CACNA1D: variants seen among roughly 807,000 people sequenced by gnomAD.
CACNA1D encodes voltage-dependent L-type calcium channel subunit alpha-1D.
In CACNA1D, 55 loss-of-function variants were observed where a neutral mutation model predicts 257.1. The ratio of observed to expected loss-of-function variants is 0.21; its 90% CI spans 0.17 to 0.27. CACNA1D has a LOEUF of 0.27. Among genes scored for constraint, CACNA1D ranks in the 10% least tolerant of loss-of-function variants. The pLI, the probability that CACNA1D is intolerant of heterozygous loss-of-function variation, is 1.00. For missense variants in CACNA1D, 1,876 were observed against 2,784.0 expected, an observed-to-expected ratio of 0.67 and a Z score of 7.34; for synonymous variants, 980 against 1,014.9, an observed-to-expected ratio of 0.97 and a Z score of 0.65.
intron 9 of CACNA1D, among the ~76,000 whole-genome samples, chr3:53,709,543 C>T (rs972496056): frequency 8.5e-5 from 13 of 152,216 alleles, no homozygotes; most frequent in Non-Finnish European, 1.5e-4. Context: ...TCTGCCTACC[C>T]ATAGTGTGCA....
At chr3:53,631,366 A>AC (rs775611832) in intron 3 of CACNA1D, among the ~76,000 whole-genome samples, 1 of 151,968 alleles carries the variant, frequency 6.6e-6, no homozygotes, top group Non-Finnish European at 1.5e-5. Flanking sequence ...ATAAGAAGCA[A>AC]CCCCTCATTT....
chr3:53,682,394 A>C (rs1050839385), intron 8 of CACNA1D, among the ~76,000 whole-genome samples: 1 of 136,576 alleles, frequency 7.3e-6, no homozygotes, highest in Non-Finnish European at 1.6e-5. Context: ...AAAAAAAAAA[A>C]AACAGAAGTC....
chr3:53,673,989 G>C lies in CACNA1D; in HGVS notation c.1220+863G>C, dbSNP rs1490670885. The C allele has an allele frequency of 4.4e-6, 3 of 686,054 alleles. No homozygotes were observed. The African/African-American group carries it at 5.3e-5, about 12-fold the overall frequency. The allele number at this position is 686,054 out of a possible 1,614,324, so 42.5% of individuals were successfully genotyped here. On this transcript the variant is annotated intron_variant, in intron 8 of 47. Coordinates refer to ENST00000350061, the MANE Select transcript of CACNA1D (RefSeq NM_001128840.3). The surrounding 1 kb of genome is among the most constrained non-coding windows in gnomAD (Gnocchi z 4.1). Reference sequence around the variant, plus strand: ...TCTTTCTGCCTGTATCTGTCTGTGAGATTCCGTGTTTCCAATGCTTGCCAA... The same window carrying C: ...TCTTTCTGCCTGTATCTGTCTGTGACATTCCGTGTTTCCAATGCTTGCCAA...
chr3:53,615,966 G>T (rs2093632211), intron 3 of CACNA1D, among the ~76,000 whole-genome samples: 1 of 152,116 alleles, frequency 6.6e-6, no homozygotes, highest in Non-Finnish European at 1.5e-5. Context: ...ATACTTACCT[G>T]CTTTCCAGTA....
chr3:53,651,366 C>CTTTTTTTTTTTTTTTTTTTTT lies in CACNA1D; in HGVS notation c.623+450_623+470dup, dbSNP rs779207160. Among the ~76,000 whole-genome samples the CTTTTTTTTTTTTTTTTTTTTT allele has an allele frequency of 7.0e-4, 57 of 81,842 alleles. 8 individuals are homozygous for CTTTTTTTTTTTTTTTTTTTTT. Among genetic ancestry groups the CTTTTTTTTTTTTTTTTTTTTT allele is most frequent in the African/African-American group, 1.6e-3 (37 of 22,544 alleles). The allele number at this position is 81,842 out of a possible 152,430, so 53.7% of individuals were successfully genotyped here. A position where few individuals can be genotyped will look rare whatever the true frequency, so the allele number is the denominator to read the frequency against. On this transcript the variant is annotated intron_variant, in intron 4 of 47. Coordinates refer to ENST00000350061, the MANE Select transcript of CACNA1D (RefSeq NM_001128840.3). ...TCCCTTGAGCAAAGCTATTAATTTT[C>CTTTTTTTTTTTTTTTTTTTTT]TTTTTTTTTTTTTTTTTTTTTTGCT...
Position 53,808,673 on chromosome 3 carries a change from T to C in CACNA1D, c.5774T>C (p.Phe1925Ser), listed in dbSNP as rs1559727671. Residue 1925 changes from phenylalanine to serine, a missense_variant, in exon 46 of 48, where the codon TTT (phenylalanine) becomes TCT (serine). This residue lies in a region of CACNA1D where 491 missense variants were observed against 554.3 expected (regional missense o/e 0.89). Transcript: ENST00000350061. Reference sequence around the variant, plus strand: ...GCCCACCGGAGATCCTCCTTCAACTTTGAGTGCCTGCGCCGGCAGAGCAGC... The same window carrying C: ...GCCCACCGGAGATCCTCCTTCAACTCTGAGTGCCTGCGCCGGCAGAGCAGC... ...PASHRRSSFN[F>S]ECLRRQSSQE... 6.2e-7 allele frequency: 1 copy of C among 1,609,208 alleles called. No homozygotes were observed.
intron 8 of CACNA1D, chr3:53,674,169 T>C (rs946907024): frequency 2.7e-5 from 11 of 401,228 alleles, no homozygotes; most frequent in Non-Finnish European, 4.7e-5. Context: ...TATTAGTACA[T>C]AACTCCTTGT....
intron 29 of CACNA1D, among the ~76,000 whole-genome samples, chr3:53,754,976 G>A (rs745569286): frequency 6.6e-6 from 1 of 152,184 alleles, no homozygotes; most frequent in Non-Finnish European, 1.5e-5. Flanking sequence ...TTGCAGTGGG[G>A]TCAAATTTGG....
At chr3:53,770,874 G>A (rs2095362619) in intron 32 of CACNA1D, among the ~76,000 whole-genome samples, 1 of 152,170 alleles carries the variant, frequency 6.6e-6, no homozygotes, top group Non-Finnish European at 1.5e-5. Flanking sequence ...TGAGTGCCAG[G>A]TCCCAGCAGA....
At chr3:53,742,978 A>G (rs1469848110) in intron 21 of CACNA1D, 33 bp from the exon 22 acceptor site, 2 of 1,433,372 alleles carry the variant, frequency 1.4e-6, no homozygotes, top group East Asian at 4.5e-5. Flanking sequence ...TTGGAGACAA[A>G]AAATGGTAAA....
rs140312723 is a variant in CACNA1D, at chr3:53,703,938, T to C, written c.1390+1128T>C. On this transcript the variant is annotated intron_variant, in intron 9 of 47. Transcript: ENST00000350061. ...ATCGAGGACAGGGCTGGAGGGAGCA[T>C]TTGGCCTGGGCCCTGAAGGATGGAT... Among the ~76,000 whole-genome samples, 320 of 152,214 alleles carry C rather than the reference T, an allele frequency of 2.1e-3. 4 individuals carry two copies. Among genetic ancestry groups the C allele is most frequent in the African/African-American group, 7.3e-3 (305 of 41,540 alleles).
At chr3:53,568,807 A>T (rs2092894371) in intron 3 of CACNA1D, among the ~76,000 whole-genome samples, 1 of 152,178 alleles carries the variant, frequency 6.6e-6, no homozygotes, top group South Asian at 2.1e-4. Flanking sequence ...TAAATACTTT[A>T]AATTATTTTC....
chr3:53,800,038 G>C lies in CACNA1D; in HGVS notation c.4924-211G>C, dbSNP rs1314439371. On this transcript the variant is annotated intron_variant, in intron 40 of 47. Transcript: ENST00000350061. The surrounding 1 kb of genome is among the most constrained non-coding windows in gnomAD (Gnocchi z 4.3). ...GAGGTTACGGGGTTGCAGGCCTCAG[G>C]CATCCTACCTAGGACCTTCTTGACC... is the stretch of plus-strand genomic sequence containing the variant. 4.6e-6 allele frequency: 3 copies of C among 652,416 alleles called. No individual in the cohort carries two copies. Among genetic ancestry groups the C allele is most frequent in the African/African-American group, 3.6e-5 (2 of 55,648 alleles). The allele number at this position is 652,416 out of a possible 1,614,324, so 40.4% of individuals were successfully genotyped here.
At chr3:53,690,721 C>T (rs2094511994) in intron 8 of CACNA1D, among the ~76,000 whole-genome samples, 1 of 152,162 alleles carries the variant, frequency 6.6e-6, no homozygotes, top group Non-Finnish European at 1.5e-5. Flanking sequence ...GTAGGGGGTT[C>T]AATTTCAGCC....
chr3:53,711,839 C>A (rs1359029089), intron 9 of CACNA1D, among the ~76,000 whole-genome samples: 1 of 152,110 alleles, frequency 6.6e-6, no homozygotes, highest in African/African-American at 2.4e-5. Flanking sequence ...GTTGTGGACC[C>A]CAAAGGAGGG....
At position 53,710,265 on chromosome 3, in the gene CACNA1D, G is replaced by GA. The variant is rs547535756; in HGVS notation, c.1390+7455_1390+7456insA. ...CTGAGCTGGATTCCTAGCAGGAGGG[G>GA]TCTGGGGCAGGCGGGCGTCCATTGC... is the stretch of plus-strand genomic sequence containing the variant. On this transcript the variant is annotated intron_variant, in intron 9 of 47. Transcript: ENST00000350061. The GA allele has an allele frequency of 4.1e-3, 1,657 of 407,124 alleles. 11 individuals carry two copies. The highest frequency in any genetic ancestry group is 6.4e-3 in the Non-Finnish European group (1,293 of 200,684). 25.2% of individuals were successfully genotyped at this position (407,124 alleles called of 1,614,324 possible).
At chr3:53,769,346 A>T (rs1559654988) in intron 30 of CACNA1D, among the ~76,000 whole-genome samples, 1 of 152,188 alleles carries the variant, frequency 6.6e-6, no homozygotes, top group Non-Finnish European at 1.5e-5. Context: ...ACTCCCTCTT[A>T]TGTGAAAGCT....
At chr3:53,668,481 C>T (rs957268771) in intron 7 of CACNA1D, among the ~76,000 whole-genome samples, 3 of 152,120 alleles carry the variant, frequency 2.0e-5, no homozygotes, top group African/African-American at 7.2e-5. Context: ...AGTATAATTG[C>T]ACTCTCCATA....
intron 40 of CACNA1D, among the ~76,000 whole-genome samples, chr3:53,797,408 C>T (rs2095512582): frequency 6.6e-6 from 1 of 152,128 alleles, no homozygotes; most frequent in African/African-American, 2.4e-5. Context: ...TCTGTTTTTT[C>T]CTGCCTGGAA....
Sources: gnomAD v4.1 joint callset for allele counts (sites outside exome capture counted in the v4.1 genomes callset) on GRCh38, gnomAD v4.1.1 for gene constraint, gnomAD v4.1.1 regional missense constraint, Gnocchi (gnomAD v3.1) non-coding constraint, MANE v1.5 for transcripts, NCBI Gene and HGNC (gene_info 2026-07-23, HGNC 2026-07-21) for gene names.